The following DAB2 variants were observed in gnomAD, a reference collection of about 807,000 sequenced individuals.
The protein encoded by DAB2 is DAB adaptor protein 2.
Under a neutral mutation model 71.6 loss-of-function variants are expected in DAB2, and 28 were observed. That is an observed-to-expected ratio of 0.39 (90% CI 0.29 to 0.54). DAB2 has a LOEUF of 0.54. DAB2 is among the 20% of genes least tolerant of loss of function. The pLI, the probability that DAB2 is intolerant of heterozygous loss-of-function variation, is 0.68. For missense variants in DAB2, 867 were observed against 928.8 expected, an observed-to-expected ratio of 0.93 and a Z score of 0.86; for synonymous variants, 345 against 339.7, an observed-to-expected ratio of 1.02 and a Z score of -0.17.
At chr5:39,398,700 G>A (rs556016191) in intron 1 of DAB2, among the ~76,000 whole-genome samples, 1 of 152,204 alleles carries the variant, frequency 6.6e-6, no homozygotes, top group South Asian at 2.1e-4. Context: ...AAATGTTCAA[G>A]ACTTATTGCA....
intron 5 of DAB2, among the ~76,000 whole-genome samples, 153 bp downstream of exon 5, chr5:39,390,291 G>A (rs1308221210): frequency 5.3e-5 from 8 of 152,110 alleles, no homozygotes; most frequent in Admixed American, 5.2e-4. Context: ...ATTTTTAAAA[G>A]ATTCCATAGG....
At chr5:39,389,703 G>A (rs551068828) in intron 6 of DAB2, 149 bp downstream of exon 6, 1 of 524,720 alleles carries the variant, frequency 1.9e-6, no homozygotes, top group Admixed American at 4.0e-5. Context: ...GTAGTGATGA[G>A]GTTTCGCCAT....
chr5:39,405,937 G>C (rs1421517298), intron 1 of DAB2, among the ~76,000 whole-genome samples: 1 of 152,150 alleles, frequency 6.6e-6, no homozygotes, highest in Admixed American at 6.5e-5. Context: ...CATTACTTCT[G>C]AGGAAAAGCT....
chr5:39,409,294 T>C (rs141881289), intron 1 of DAB2, among the ~76,000 whole-genome samples: 1 of 152,162 alleles, frequency 6.6e-6, no homozygotes, highest in Non-Finnish European at 1.5e-5. Flanking sequence ...AATAAATAAA[T>C]GCACTTTTAA....
At chr5:39,383,683 G>A (rs539886799) in intron 9 of DAB2, among the ~76,000 whole-genome samples, 1 of 152,314 alleles carries the variant, frequency 6.6e-6, no homozygotes, top group East Asian at 1.9e-4. Context: ...GAAAGTAAGT[G>A]ATTTCAGAAG....
At chr5:39,399,428 A>T (rs187466702) in intron 1 of DAB2, among the ~76,000 whole-genome samples, 3 of 152,350 alleles carry the variant, frequency 2.0e-5, no homozygotes, top group Admixed American at 6.5e-5. Context: ...AAGATGACAC[A>T]TGTAAAAACA....
At chr5:39,394,746 C>A (rs948667539) in intron 1 of DAB2, among the ~76,000 whole-genome samples, 1 of 126,126 alleles carries the variant, frequency 7.9e-6, no homozygotes, top group African/African-American at 2.8e-5. Flanking sequence ...CGAAAACTTG[C>A]TAGGCATTAT....
At chr5:39,394,108 T>C (rs978496488) in intron 2 of DAB2, 122 bp downstream of exon 2, 3 of 745,862 alleles carry the variant, frequency 4.0e-6, no homozygotes, top group Admixed American at 4.8e-5. Flanking sequence ...TAGGAGAACA[T>C]GAGACTAAGC....
chr5:39,397,063 G>A (rs1396130889), intron 1 of DAB2, among the ~76,000 whole-genome samples: 8 of 152,174 alleles, frequency 5.3e-5, no homozygotes, highest in African/African-American at 1.9e-4. Flanking sequence ...GAAGGGACTC[G>A]GACATGTCTG....
intron 1 of DAB2, among the ~76,000 whole-genome samples, chr5:39,404,005 T>C (rs1755556199): frequency 6.6e-6 from 1 of 152,082 alleles, no homozygotes; most frequent in African/African-American, 2.4e-5. Flanking sequence ...ATGTGCCACA[T>C]TTTCTTAATC....
rs753191745 is a variant in DAB2, at chr5:39,375,976, C to G, written c.2247+21G>C. The G allele has an allele frequency of 1.9e-6, 3 of 1,580,888 alleles. No homozygotes were observed. In the African/African-American group the frequency reaches 4.0e-5, roughly 21 times the overall value. On this transcript the variant is annotated intron_variant, in intron 13 of 14. Coordinates refer to ENST00000320816, the MANE Select transcript of DAB2 (RefSeq NM_001343.4). ...ATGTGGCATGTACTTTGGAGAAGAGCTTCTAGTAGTTCATACTTACAGAGG... is the reference window on the plus strand; with the variant it reads ...ATGTGGCATGTACTTTGGAGAAGAGGTTCTAGTAGTTCATACTTACAGAGG...
intron 1 of DAB2, among the ~76,000 whole-genome samples, chr5:39,407,419 C>T (rs1755631879): frequency 6.6e-6 from 1 of 152,140 alleles, no homozygotes; most frequent in African/African-American, 2.4e-5. Context: ...AGGGTTTCAC[C>T]ATTTTGGCCA....
rs577567079 is a variant in DAB2 at position 39,380,748 on chromosome 5, C to A, written c.1504+706G>T. Reference sequence around the variant, plus strand: ...CATTTAGGAATTAAGAGCGTCAATGCATACTAGCTGTCTGATAAAATTCCA... The same window carrying A: ...CATTTAGGAATTAAGAGCGTCAATGAATACTAGCTGTCTGATAAAATTCCA... On this transcript the variant is annotated intron_variant, in intron 11 of 14. Transcript: ENST00000320816. Among the ~76,000 whole-genome samples the A allele has an allele frequency of 7.0e-4, 107 of 152,328 alleles. 1 individual carries two copies. The highest frequency in any genetic ancestry group is 2.5e-3 in the African/African-American group (103 of 41,576).
intron 1 of DAB2, among the ~76,000 whole-genome samples, chr5:39,419,274 G>T (rs1048076734): frequency 6.6e-6 from 1 of 152,118 alleles, no homozygotes; most frequent in African/African-American, 2.4e-5. Flanking sequence ...CTTTTGTTTT[G>T]ATTTCTGCTC....
At chr5:39,423,859 C>T (rs1196266119) in intron 1 of DAB2, 1 of 151,976 alleles carries the variant, frequency 6.6e-6, no homozygotes, top group East Asian at 1.9e-4. Context: ...TTCTGCTCTT[C>T]TCGGTTTACA....
chr5:39,402,166 C>T (rs555101111), intron 1 of DAB2, among the ~76,000 whole-genome samples: 1 of 152,210 alleles, frequency 6.6e-6, no homozygotes, highest in South Asian at 2.1e-4. Flanking sequence ...AATTACCTCC[C>T]ACCAGGTCCC....
chr5:39,399,860 G>T (rs1200524122), intron 1 of DAB2, among the ~76,000 whole-genome samples: 1 of 152,184 alleles, frequency 6.6e-6, no homozygotes, highest in Non-Finnish European at 1.5e-5. Flanking sequence ...AGGCTTTATA[G>T]GGGTAAAGTT....
intron 1 of DAB2, among the ~76,000 whole-genome samples, chr5:39,399,774 A>G (rs1334704447): frequency 6.6e-6 from 1 of 152,256 alleles, no homozygotes; most frequent in Non-Finnish European, 1.5e-5. Flanking sequence ...GCTGTTGCTT[A>G]GTCCTTAGTG....
At chr5:39,417,208 GATGGATGCAGCAAACCACCATGGCAC>G (rs1755868317) in intron 1 of DAB2, 1 of 151,910 alleles carries the variant, frequency 6.6e-6, no homozygotes, top group Non-Finnish European at 1.5e-5. Flanking sequence ...GTGATGGGTT[GATGGATGCAGCAAACCACCATGGCAC>G]ATGTATACCT....
Sources: allele counts gnomAD v4.1 joint callset (sites outside exome capture counted in the v4.1 genomes callset), GRCh38; gene constraint gnomAD v4.1.1; transcripts MANE v1.5; gene names NCBI Gene and HGNC (gene_info 2026-07-23, HGNC 2026-07-21).